PRKCQ: variants seen among roughly 807,000 people sequenced by gnomAD.
PRKCQ encodes the protein protein kinase C theta, also known as protein kinase C theta type.
In PRKCQ, 41 loss-of-function variants were observed where a neutral mutation model predicts 91.2. The ratio of observed to expected loss-of-function variants is 0.45; its 90% CI spans 0.35 to 0.58. PRKCQ has a LOEUF of 0.58. PRKCQ is among the 20% of genes least tolerant of loss of function. PRKCQ has a pLI of 0.00. For synonymous variants in PRKCQ, 307 were observed against 316.9 expected, an observed-to-expected ratio of 0.97 and a Z score of 0.33; for missense variants, 673 against 896.5, an observed-to-expected ratio of 0.75 and a Z score of 3.18.
rs12259637 is a variant in PRKCQ, at chr10:6,475,338, G to A, written c.1353+3654C>T. Among the ~76,000 whole-genome samples, 1,265 of 152,276 alleles carry A rather than the reference G, an allele frequency of 8.3e-3. 12 individuals are homozygous for A. Among genetic ancestry groups the A allele is most frequent in the African/African-American group, 0.029 (1,207 of 41,542 alleles). On this transcript the variant is annotated intron_variant, in intron 12 of 17. Coordinates refer to ENST00000263125, the MANE Select transcript of PRKCQ (RefSeq NM_006257.5). ...GTGCCTCAGAGCCCTGTTGATAAAC[G>A]GCAGAGCTGGGCTTGAACTTCGGAA...
At chr10:6,507,327 C>T in intron 4 of PRKCQ, 109 bp downstream of exon 4, 1 of 1,150,314 alleles carries the variant, frequency 8.7e-7, no homozygotes, top group Non-Finnish European at 1.3e-6. Context: ...TTGTGCCTCT[C>T]TTTTCTCCTG....
chr10:6,459,755 G>C (rs1343826886), intron 14 of PRKCQ, among the ~76,000 whole-genome samples: 1 of 152,222 alleles, frequency 6.6e-6, no homozygotes, highest in African/African-American at 2.4e-5. Flanking sequence ...GCCACCAGAG[G>C]CTGGTAAATC....
upstream of PRKCQ, chr10:6,580,285 ACTGGCGGGG>A (rs1199110033): frequency 0.12 from 4,142 of 34,420 alleles, 175 homozygotes; most frequent in African/African-American, 0.25. Context: ...CTGCGCGGGG[ACTGGCGGGG>A]CTGGCGGGGC....
rs367718623 is a variant in PRKCQ at position 6,479,117 on chromosome 10, C to G, written c.1228G>C (p.Ala410Pro). The G allele has an allele frequency of 5.0e-6, 8 of 1,613,980 alleles. No homozygotes were observed. Among genetic ancestry groups the G allele is most frequent in the African/African-American group, 1.3e-5 (1 of 74,898 alleles). The change falls in exon 12 of 18, where the codon GCC becomes CCC. Residue 410 changes from alanine to proline, a missense_variant. Transcript: ENST00000263125. ...KKTNQFFAIK[A>P]LKKDVVLMDD... The stretch of plus-strand genomic sequence containing the variant: ...ATCAAGACCACATCTTTCTTTAAGG[C>G]CTTTATTGCGAAAAATTGATTGGTT...
intron 1 of PRKCQ, among the ~76,000 whole-genome samples, chr10:6,533,762 G>A (rs1313138991): frequency 6.6e-6 from 1 of 152,162 alleles, no homozygotes; most frequent in African/African-American, 2.4e-5. Flanking sequence ...TAAAGAAGAT[G>A]GTATTTAAAC....
chr10:6,470,449 A>T (rs904934422), intron 12 of PRKCQ, among the ~76,000 whole-genome samples: 1 of 152,184 alleles, frequency 6.6e-6, no homozygotes. Flanking sequence ...AATCACCTCA[A>T]ATACAACGTA....
At chr10:6,520,967 G>A (rs1778332033) in intron 1 of PRKCQ, among the ~76,000 whole-genome samples, 1 of 152,218 alleles carries the variant, frequency 6.6e-6, no homozygotes, top group African/African-American at 2.4e-5. Flanking sequence ...CTCAGAACGA[G>A]TGCATTTGGG....
chr10:6,423,236 G>A (rs751591121), downstream of PRKCQ, among the ~76,000 whole-genome samples: 13 of 152,220 alleles, frequency 8.5e-5, no homozygotes, highest in Non-Finnish European at 1.9e-4. Context: ...CATCAGGCAT[G>A]TAGGGAACAA....
intron 1 of PRKCQ, among the ~76,000 whole-genome samples, chr10:6,556,154 G>A (rs1308960335): frequency 6.6e-6 from 1 of 152,178 alleles, no homozygotes; most frequent in African/African-American, 2.4e-5. Flanking sequence ...AAATAGGTTA[G>A]CATGAGGGCT....
chr10:6,566,430 CA>C (rs1391871040), intron 1 of PRKCQ, among the ~76,000 whole-genome samples: 10 of 152,286 alleles, frequency 6.6e-5, no homozygotes, highest in African/African-American at 2.4e-4. Flanking sequence ...CCCCTCAAAA[CA>C]GCTACAAAAT....
At chr10:6,516,602 C>T (rs1360609883) in intron 1 of PRKCQ, among the ~76,000 whole-genome samples, 2 of 152,288 alleles carry the variant, frequency 1.3e-5, no homozygotes, top group East Asian at 3.9e-4. Flanking sequence ...CTTCATTTCT[C>T]CACAAATCAG....
intron 1 of PRKCQ, among the ~76,000 whole-genome samples, chr10:6,551,331 G>C (rs900971344): frequency 6.6e-6 from 1 of 151,614 alleles, no homozygotes; most frequent in African/African-American, 2.4e-5. Context: ...AAAAGTCCTG[G>C]TCTCATGCAT....
intron 12 of PRKCQ, among the ~76,000 whole-genome samples, chr10:6,467,369 GAGAGAC>G (rs1835727809): frequency 4.5e-5 from 5 of 109,898 alleles, no homozygotes; most frequent in Non-Finnish European, 8.1e-5. Context: ...GAGAGAGAGA[GAGAGAC>G]AGAGAGAGAC....
intron 1 of PRKCQ, among the ~76,000 whole-genome samples, chr10:6,556,540 G>A (rs1402299607): frequency 6.6e-6 from 1 of 151,864 alleles, no homozygotes; most frequent in Non-Finnish European, 1.5e-5. Flanking sequence ...GAAAGGAGAG[G>A]GAAATGGAGA....
intron 11 of PRKCQ, among the ~76,000 whole-genome samples, chr10:6,480,499 G>A (rs1836538012): frequency 6.6e-6 from 1 of 152,174 alleles, no homozygotes; most frequent in African/African-American, 2.4e-5. Context: ...CAATGGTAAG[G>A]GCATGGCATT....
Position 6,498,443 on chromosome 10 carries a change from G to A in PRKCQ, c.495C>T (p.Thr165=). ...AGCAAAATGTGGGCTGTGGGAAGAA[G>A]GTGGCAGTGAACTCGTGGCACTTGA... ...HHVKCHEFTA[T]FFPQPTFCSV... The change falls in exon 5 of 18, where the codon ACC becomes ACT. Residue 165 remains threonine, a synonymous_variant. Transcript: ENST00000263125. The A allele has an allele frequency of 6.2e-7, 1 of 1,614,248 alleles. No homozygotes were observed. The highest frequency in any genetic ancestry group is 8.5e-7 in the Non-Finnish European group (1 of 1,180,048).
chr10:6,487,947 G>A (rs1837022317), intron 8 of PRKCQ, among the ~76,000 whole-genome samples: 1 of 149,662 alleles, frequency 6.7e-6, no homozygotes, highest in Non-Finnish European at 1.5e-5. Flanking sequence ...GGAGGTTGCA[G>A]TGAGCTGAGA....
Position 6,430,074 on chromosome 10 carries a change from C to T in PRKCQ, c.1965+736G>A, listed in dbSNP as rs1456158789. ...TTCACCATGTTGGCCAGGCTGACCT[C>T]GAACTCCTGACCTCAGGTGATCCAC... is the stretch of plus-strand genomic sequence containing the variant. On this transcript the variant is annotated intron_variant, in intron 17 of 17. Coordinates refer to ENST00000263125, the MANE Select transcript of PRKCQ (RefSeq NM_006257.5). The surrounding 1 kb of genome is among the most constrained non-coding windows in gnomAD (Gnocchi z 4.7). Among the ~76,000 whole-genome samples, 1 of 152,134 alleles carries T rather than the reference C, an allele frequency of 6.6e-6. No homozygotes were observed. Among genetic ancestry groups the T allele is most frequent in the Non-Finnish European group, 1.5e-5 (1 of 68,018 alleles).
intron 12 of PRKCQ, among the ~76,000 whole-genome samples, chr10:6,478,424 G>C (rs1836390209): frequency 6.6e-6 from 1 of 152,098 alleles, no homozygotes; most frequent in African/African-American, 2.4e-5. Context: ...AAGGAAAAAG[G>C]AGACCAGGAT....
Sources: allele counts gnomAD v4.1 joint callset (sites outside exome capture counted in the v4.1 genomes callset), GRCh38; gene constraint gnomAD v4.1.1; non-coding constraint Gnocchi (gnomAD v3.1); transcripts MANE v1.5; gene names NCBI Gene and HGNC (gene_info 2026-07-23, HGNC 2026-07-21).